The following MYO5C variants were observed in gnomAD, a reference collection of about 807,000 sequenced individuals.
MYO5C encodes myosin VC.
Under a neutral mutation model 235.7 loss-of-function variants are expected in MYO5C, and 194 were observed. The ratio of observed to expected loss-of-function variants is 0.82; its 90% CI spans 0.73 to 0.93. The LOEUF (loss-of-function observed/expected upper bound fraction) is 0.93. Ranked by LOEUF, MYO5C falls within the 40% of genes least tolerant of loss-of-function variation. MYO5C has a pLI of 0.00. For synonymous variants in MYO5C, 707 were observed against 754.8 expected, an observed-to-expected ratio of 0.94 and a Z score of 1.04; for missense variants, 2,038 against 2,127.2, an observed-to-expected ratio of 0.96 and a Z score of 0.82.
intron 23 of MYO5C, 126 bp downstream of exon 23, chr15:52,235,544 G>C (rs1296945988): frequency 3.2e-6 from 2 of 628,526 alleles, no homozygotes; most frequent in Non-Finnish European, 5.4e-6. Context: ...TTCCTTGTGA[G>C]CAAAAATTGC....
At chr15:52,219,178 C>CA (rs1411345356) in intron 31 of MYO5C, among the ~76,000 whole-genome samples, 1 of 152,192 alleles carries the variant, frequency 6.6e-6, no homozygotes, top group African/African-American at 2.4e-5. Context: ...TTGGGGATGT[C>CA]AAGTGCCCAT....
At position 52,194,045 on chromosome 15, in the gene MYO5C, T is replaced by C. The variant is rs776601796; in HGVS notation, c.5086A>G (p.Asn1696Asp). The part of the protein sequence containing the change: ...SFVRKVQALL[N>D]SREDSSQLML... ...AGCTGTGATGAATCCTCCCGGCTAT[T>C]TAGGAGAGCCTGAAATTAGAATCAG... is the stretch of plus-strand genomic sequence containing the variant. The change falls in exon 41 of 41, where the codon AAT (asparagine) becomes GAT (aspartate). Residue 1696 changes from asparagine (N) to aspartate (D), a missense_variant. By Grantham distance (23) the Asn-to-Asp change is conservative. Coordinates refer to ENST00000261839, the MANE Select transcript of MYO5C (RefSeq NM_018728.4). 3 of 1,609,532 alleles carry C rather than the reference T, an allele frequency of 1.9e-6. No homozygotes were observed. Among genetic ancestry groups the C allele is most frequent in the Non-Finnish European group, 2.5e-6 (3 of 1,178,906 alleles).
chr15:52,258,201 T>C (rs775577793), intron 10 of MYO5C, among the ~76,000 whole-genome samples: 14 of 152,216 alleles, frequency 9.2e-5, no homozygotes, highest in Non-Finnish European at 1.8e-4. Flanking sequence ...TGACTTAAAA[T>C]GCTAGAGGCA....
chr15:52,231,845 G>A (rs76715775), intron 24 of MYO5C, among the ~76,000 whole-genome samples: 86 of 152,310 alleles, frequency 5.6e-4, no homozygotes, highest in African/African-American at 2.0e-3. Flanking sequence ...TGGAGTCCTT[G>A]GAGGTTAGCA....
At chr15:52,285,894 A>G (rs1229516500) in intron 1 of MYO5C, among the ~76,000 whole-genome samples, 1 of 151,614 alleles carries the variant, frequency 6.6e-6, no homozygotes, top group African/African-American at 2.4e-5. Context: ...CCGCCACCCC[A>G]TCTGGGAAGT....
intron 11 of MYO5C, among the ~76,000 whole-genome samples, chr15:52,256,428 G>A (rs370561562): frequency 6.6e-6 from 1 of 152,070 alleles, no homozygotes; most frequent in African/African-American, 2.4e-5. Flanking sequence ...CACATTGGCA[G>A]GTGATTCAAA....
intron 1 of MYO5C, among the ~76,000 whole-genome samples, chr15:52,290,602 T>C (rs2037367226): frequency 6.9e-6 from 1 of 144,476 alleles, no homozygotes; most frequent in African/African-American, 2.6e-5. Context: ...TGAGTTCTAA[T>C]TAATGAGCAA....
intron 24 of MYO5C, 70 bp from the exon 25 acceptor site, chr15:52,229,383 G>A: frequency 6.8e-7 from 1 of 1,462,698 alleles, no homozygotes; most frequent in Non-Finnish European, 9.3e-7. Context: ...CCAGCACTTT[G>A]GGAGGCCAAG....
In MYO5C at chr15:52,253,430, ATTC is replaced by A; in HGVS notation, c.1420_1422del (p.Glu474del). ...GTCCAAGGTATATCTTCCTTCATGTATTCTTCTTGTTCCAGTTTGAAGACATGC... is the reference window on the plus strand; with the variant it reads ...GTCCAAGGTATATCTTCCTTCATGTATTCTTGTTCCAGTTTGAAGACATGC... On this transcript the variant is annotated inframe_deletion, in exon 12 of 41. Transcript: ENST00000261839. 1 of 1,613,586 alleles carries A rather than the reference ATTC, an allele frequency of 6.2e-7. No homozygotes were observed. Among genetic ancestry groups the A allele is most frequent in the Non-Finnish European group, 8.5e-7 (1 of 1,179,814 alleles).
chr15:52,272,930 C>T (rs1162220434), intron 5 of MYO5C, among the ~76,000 whole-genome samples: 4 of 152,228 alleles, frequency 2.6e-5, no homozygotes, highest in Non-Finnish European at 5.9e-5. Flanking sequence ...TCTCCTTGGT[C>T]CCACTGGCAG....
At chr15:52,196,549 C>T (rs994009434) in intron 38 of MYO5C, 66 bp from the exon 39 acceptor site, 16 of 1,498,166 alleles carry the variant, frequency 1.1e-5, no homozygotes, top group South Asian at 8.9e-5. Context: ...CTGTGTGTCC[C>T]GAGAGGGTAC....
intron 20 of MYO5C, among the ~76,000 whole-genome samples, chr15:52,241,640 T>C (rs943802231): frequency 2.0e-5 from 3 of 152,206 alleles, no homozygotes; most frequent in Non-Finnish European, 4.4e-5. Flanking sequence ...TCCTGTCTGT[T>C]AGGTGCACAT....
chr15:52,231,683 G>A (rs570552476), intron 24 of MYO5C, among the ~76,000 whole-genome samples: 4 of 152,268 alleles, frequency 2.6e-5, no homozygotes, highest in East Asian at 3.9e-4. Flanking sequence ...GCATGGGGAA[G>A]TTTTGTATCC....
chr15:52,246,942 G>A lies in MYO5C; in HGVS notation c.1954C>T (p.Pro652Ser). 1 of 1,614,026 alleles carries A rather than the reference G, an allele frequency of 6.2e-7. No homozygotes were observed. Among genetic ancestry groups the A allele is most frequent in the Non-Finnish European group, 8.5e-7 (1 of 1,179,954 alleles). ...TTPHYVRCIK[P>S]NDEKLPFEFD... Reference sequence around the variant, plus strand: ...TCAAAGGGTAACTTCTCATCATTTGGCTTGATGCATCGAACGTAGTGGGGC... The same window carrying A: ...TCAAAGGGTAACTTCTCATCATTTGACTTGATGCATCGAACGTAGTGGGGC... Residue 652 changes from proline (P) to serine (S), a missense_variant, in exon 16 of 41, where the codon CCA becomes TCA. By Grantham distance (74) the Pro-to-Ser change is moderately conservative. Coordinates refer to ENST00000261839, the MANE Select transcript of MYO5C (RefSeq NM_018728.4).
In MYO5C at chr15:52,211,805, T is replaced by C. The variant is rs377674675; in HGVS notation, c.4221A>G (p.Ala1407=). 272 of 1,614,078 alleles carry C rather than the reference T, an allele frequency of 1.7e-4. No homozygotes were observed. The highest frequency in any genetic ancestry group is 4.9e-4 in the Middle Eastern group (3 of 6,084). Residue 1407 remains alanine, a synonymous_variant, in exon 35 of 41, where the codon GCA becomes GCG. Coordinates refer to ENST00000261839, the MANE Select transcript of MYO5C (RefSeq NM_018728.4). ...AHILFMCVRY[A]DSLNDANMLK... ...GCATGTTGGCATCATTCAGAGAGTC[T>C]GCGTAGCGCACACACATGAACAGGA...
At chr15:52,219,902 T>G in intron 30 of MYO5C, 80 bp from the exon 31 acceptor site, 1 of 1,097,808 alleles carries the variant, frequency 9.1e-7, no homozygotes, top group East Asian at 2.5e-5. Context: ...TATTTTCAAT[T>G]TTTAGAGGTC....
chr15:52,257,238 C>T (rs8034613), intron 10 of MYO5C, among the ~76,000 whole-genome samples: 144,765 of 152,292 alleles, frequency 0.95, 69,221 homozygotes, highest in Non-Finnish European at 1. Context: ...GCTTTCATAG[C>T]TCCTAGAGGA....
At chr15:52,270,656 T>A (rs1370522100) in intron 7 of MYO5C, among the ~76,000 whole-genome samples, 1 of 150,268 alleles carries the variant, frequency 6.7e-6, no homozygotes, top group East Asian at 2.0e-4. Flanking sequence ...ATACACACAT[T>A]TATATATGTA....
At chr15:52,272,510 A>G (rs2036945831) in intron 6 of MYO5C, 70 bp downstream of exon 6, 2 of 1,464,796 alleles carry the variant, frequency 1.4e-6, no homozygotes, top group Non-Finnish European at 1.9e-6. Context: ...AGCTTGCCTG[A>G]GTATGTATAA....
Sources: gnomAD v4.1 joint callset for allele counts (sites outside exome capture counted in the v4.1 genomes callset) on GRCh38, gnomAD v4.1.1 for gene constraint, MANE v1.5 for transcripts, NCBI Gene and HGNC (gene_info 2026-07-23, HGNC 2026-07-21) for gene names.